The following CRADD variants were observed in gnomAD, a reference collection of about 807,000 sequenced individuals.
CRADD encodes CARD and death domain containing adaptor protein, also known as death domain-containing protein CRADD.
In CRADD, 9 loss-of-function variants were observed where a neutral mutation model predicts 15.5. That is an observed-to-expected ratio of 0.58 (90% confidence interval 0.35 to 1.01). CRADD has a LOEUF of 1.01. Ranked by LOEUF, CRADD falls within the 50% of genes least tolerant of loss-of-function variation. The probability of loss-of-function intolerance (pLI) is 0.02; values close to 1 mark genes in which losing one functional copy is unlikely to be tolerated. For synonymous variants in CRADD, 118 were observed against 107.6 expected (o/e 1.10, Z -0.60); for missense variants, 227 against 250.3 (o/e 0.91, Z 0.63).
At chr12:93,754,902 A>G (rs574403422) in intron 2 of CRADD, among the ~76,000 whole-genome samples, 2 of 152,068 alleles carry the variant, frequency 1.3e-5, no homozygotes, top group South Asian at 4.2e-4. Flanking sequence ...TCCCAGTACC[A>G]GTTTACTGTA....
intron 2 of CRADD, among the ~76,000 whole-genome samples, chr12:93,756,777 C>T (rs563753887): frequency 6.6e-6 from 1 of 152,312 alleles, no homozygotes; most frequent in African/African-American, 2.4e-5. Flanking sequence ...GGCACAAAAC[C>T]TTAACTTCTT....
intron 2 of CRADD, among the ~76,000 whole-genome samples, chr12:93,795,535 T>C (rs552188359): frequency 6.6e-6 from 1 of 152,206 alleles, no homozygotes; most frequent in Non-Finnish European, 1.5e-5. Context: ...ATTTGGACTT[T>C]ACACCACTCA....
rs1248468347 is a variant in CRADD, at chr12:93,850,276, G to A, written c.*5G>A. The A allele has an allele frequency of 6.3e-7, 1 of 1,585,368 alleles. No homozygotes were observed. The highest frequency in any genetic ancestry group is 8.6e-7 in the Non-Finnish European group (1 of 1,165,476). On this transcript the variant is annotated 3_prime_UTR_variant, in exon 3 of 3. Transcript: ENST00000332896. This position sits in a 1 kb window ranked among gnomAD's most constrained non-coding sequence, Gnocchi z 4.0. ...CTCCTGCACATGTTGGAGTGATGGT[G>A]CCTCCAGCAACCGCTGGGGAGTGTG...
At chr12:93,714,086 T>C (rs1956121733) in intron 2 of CRADD, among the ~76,000 whole-genome samples, 1 of 152,204 alleles carries the variant, frequency 6.6e-6, no homozygotes, top group East Asian at 1.9e-4. Flanking sequence ...AACGAAGACA[T>C]AGAAAAAGCA....
intron 2 of CRADD, among the ~76,000 whole-genome samples, chr12:93,704,383 C>G (rs1344522141): frequency 1.3e-5 from 2 of 152,204 alleles, no homozygotes; most frequent in African/African-American, 2.4e-5. Flanking sequence ...AAACATCCTT[C>G]TGTGTACTGT....
In CRADD at chr12:93,844,352, A is replaced by G. The variant is rs1958087412; in HGVS notation, c.299-5618A>G. On this transcript the variant is annotated intron_variant, in intron 2 of 2. Transcript: ENST00000332896. ...GTGTTCAGCAGAATTCACGAACTGA[A>G]CGGGTCTCATGAGGATACTGTCCCT... Among the ~76,000 whole-genome samples, 3 of 152,146 alleles carry G rather than the reference A, an allele frequency of 2.0e-5. No homozygotes were observed. The South Asian group carries it at 6.2e-4, about 32-fold the overall frequency.
At chr12:93,742,711 A>G (rs1259687972) in intron 2 of CRADD, among the ~76,000 whole-genome samples, 1 of 152,198 alleles carries the variant, frequency 6.6e-6, no homozygotes, top group Non-Finnish European at 1.5e-5. Flanking sequence ...CACCGGAGAA[A>G]TGGGCATTCC....
chr12:93,845,656 C>T (rs1316540735), intron 2 of CRADD, among the ~76,000 whole-genome samples: 1 of 151,858 alleles, frequency 6.6e-6, no homozygotes, highest in Non-Finnish European at 1.5e-5. Context: ...AAAACCCAGT[C>T]CTAGAAAACT....
chr12:93,764,919 C>T (rs759777470), intron 2 of CRADD, among the ~76,000 whole-genome samples: 16 of 151,570 alleles, frequency 1.1e-4, no homozygotes, highest in Admixed American at 2.0e-4. Context: ...TGAAAGGCAT[C>T]TATCCAGTTT....
intron 2 of CRADD, among the ~76,000 whole-genome samples, chr12:93,890,192 T>C (rs1958566794): frequency 6.6e-6 from 1 of 152,216 alleles, no homozygotes; most frequent in African/African-American, 2.4e-5. Context: ...GGATAGGTTA[T>C]TTAAGTTTTC....
chr12:93,727,279 C>T (rs1181959634), intron 2 of CRADD, among the ~76,000 whole-genome samples: 1 of 152,192 alleles, frequency 6.6e-6, no homozygotes, highest in Non-Finnish European at 1.5e-5. Flanking sequence ...TCGCCTTCTT[C>T]CTCCATGCCT....
intron 2 of CRADD, among the ~76,000 whole-genome samples, chr12:93,757,068 A>G (rs1000350855): frequency 6.6e-6 from 1 of 152,360 alleles, no homozygotes; most frequent in South Asian, 2.1e-4. Flanking sequence ...AAGCACCATC[A>G]CTTAAAACTA....
In CRADD at chr12:93,824,293, A is replaced by T. The variant is rs1957800441; in HGVS notation, c.299-25677A>T. Among the ~76,000 whole-genome samples, 1 of 152,104 alleles carries T rather than the reference A, an allele frequency of 6.6e-6. No individual in the cohort carries two copies. The highest frequency in any genetic ancestry group is 1.5e-5 in the Non-Finnish European group (1 of 68,016). ...AAACACAAAGCCAAAAGCAGATGGG[A>T]CATATGTAGATAAGCTGTTTCATTT... On this transcript the variant is annotated intron_variant, in intron 2 of 2. Coordinates refer to ENST00000332896, the MANE Select transcript of CRADD (RefSeq NM_003805.5). This position sits in a 1 kb window ranked among gnomAD's most constrained non-coding sequence, Gnocchi z 4.3.
intron 2 of CRADD, among the ~76,000 whole-genome samples, chr12:93,770,096 CTT>C (rs34791279): frequency 5.4e-5 from 7 of 129,964 alleles, no homozygotes; most frequent in African/African-American, 5.7e-5. Flanking sequence ...CCTATGTTAT[CTT>C]TTTTTTTTTT....
intron 2 of CRADD, among the ~76,000 whole-genome samples, chr12:93,867,431 A>G (rs1958380378): frequency 7.0e-6 from 1 of 142,618 alleles, no homozygotes; most frequent in Non-Finnish European, 1.5e-5. Flanking sequence ...TCCAAGATCA[A>G]TATATATATT....
chr12:93,742,151 C>G (rs1021178908), intron 2 of CRADD, among the ~76,000 whole-genome samples: 4 of 152,188 alleles, frequency 2.6e-5, no homozygotes, highest in Admixed American at 2.6e-4. Flanking sequence ...TCCCGAGCAG[C>G]ATCTGGCAGA....
chr12:93,760,670 G>T (rs1436475784), intron 2 of CRADD, among the ~76,000 whole-genome samples: 1 of 151,922 alleles, frequency 6.6e-6, no homozygotes, highest in Non-Finnish European at 1.5e-5. Flanking sequence ...TGTCTTCATT[G>T]GTTTGTTTGC....
intron 2 of CRADD, among the ~76,000 whole-genome samples, chr12:93,845,895 C>T (rs1260890001): frequency 6.6e-6 from 1 of 152,184 alleles, no homozygotes; most frequent in Non-Finnish European, 1.5e-5. Flanking sequence ...CAAAAGTCTT[C>T]ATCTTTCAAA....
chr12:93,719,428 T>C (rs957669749), intron 2 of CRADD, among the ~76,000 whole-genome samples: 2 of 152,178 alleles, frequency 1.3e-5, no homozygotes, highest in Non-Finnish European at 2.9e-5. Flanking sequence ...GTAATGTCTT[T>C]GGTGTTGGTA....
Sources: allele counts gnomAD v4.1 joint callset (sites outside exome capture counted in the v4.1 genomes callset), GRCh38; gene constraint gnomAD v4.1.1; non-coding constraint Gnocchi (gnomAD v3.1); transcripts MANE v1.5; gene names NCBI Gene and HGNC (gene_info 2026-07-23, HGNC 2026-07-21).